The following ST3GAL2 variants were observed in gnomAD, a reference collection of about 807,000 sequenced individuals.
ST3GAL2 encodes ST3 beta-galactoside alpha-2,3-sialyltransferase 2.
ST3GAL2 carries 16 observed loss-of-function variants against 37.5 expected under a neutral mutation model. The observed-to-expected ratio is 0.43, with a 90% CI of 0.29 to 0.65. The LOEUF (loss-of-function observed/expected upper bound fraction) is 0.65, where lower values mean the gene tolerates loss of function less well. ST3GAL2 is among the 30% of genes least tolerant of loss of function. The pLI, the probability that ST3GAL2 is intolerant of heterozygous loss-of-function variation, is 0.17. For synonymous variants in ST3GAL2, 238 were observed against 202.9 expected (o/e 1.17, Z -1.47); for missense variants, 383 against 487.8 (o/e 0.79, Z 2.02).
rs1312563185 is a variant in ST3GAL2, at chr16:70,377,166, G to T, written c.*4523C>A. 1 of 130,980 alleles carries T rather than the reference G, an allele frequency of 7.6e-6. No individual in the cohort carries two copies. The highest frequency in any genetic ancestry group is 2.3e-4 in the East Asian group (1 of 4,258). 8.1% of individuals were successfully genotyped at this position (130,980 alleles called of 1,614,324 possible). On this transcript the variant is annotated 3_prime_UTR_variant, in exon 7 of 7. Transcript: ENST00000342907. The stretch of plus-strand genomic sequence containing the variant: ...CTCTGCACCAGTCTGGGCGACAGGA[G>T]ACCCTGTCTCTTAAAAAAAAAAAAA...
In ST3GAL2 at chr16:70,395,124, G is replaced by A. The variant is rs375735133; in HGVS notation, c.391C>T (p.Leu131=). 1.9e-5 allele frequency: 31 copies of A among 1,613,166 alleles called. No individual in the cohort carries two copies. Among genetic ancestry groups the A allele is most frequent in the Non-Finnish European group, 2.5e-5 (30 of 1,179,628 alleles). Residue 131 remains leucine (L), a synonymous_variant, in exon 3 of 7, where the codon CTG becomes TTG. Coordinates refer to ENST00000342907, the MANE Select transcript of ST3GAL2 (RefSeq NM_006927.4). ...TTCTCGCCAGGCACTATCTGGAACAGCTTCTCCAGCACCTCATTGGTGTTG... is the reference window on the plus strand; with the variant it reads ...TTCTCGCCAGGCACTATCTGGAACAACTTCTCCAGCACCTCATTGGTGTTG... ...SHNTNEVLEK[L]FQIVPGENPY...
At position 70,385,743 on chromosome 16, in the gene ST3GAL2, G is replaced by A. The variant is rs1454578337; in HGVS notation, c.714-2508C>T. 2.7e-4 allele frequency among the ~76,000 whole-genome samples: 29 copies of A among 105,982 alleles called. No individual in the cohort carries two copies. The Admixed American group carries it at 3.8e-3, about 14-fold the overall frequency. The allele number at this position is 105,982 out of a possible 152,430, so 69.5% of individuals were successfully genotyped here. On this transcript the variant is annotated intron_variant, in intron 4 of 6. Transcript: ENST00000342907. ...TTTTGAGGCAGAGCCCTGCTTTGTTGCCCAGGCTGGAGTGCAGTGGCGCGA... is the reference window on the plus strand; with the variant it reads ...TTTTGAGGCAGAGCCCTGCTTTGTTACCCAGGCTGGAGTGCAGTGGCGCGA...
At chr16:70,386,808 G>C (rs1361107810) in intron 4 of ST3GAL2, among the ~76,000 whole-genome samples, 1 of 152,064 alleles carries the variant, frequency 6.6e-6, no homozygotes, top group Non-Finnish European at 1.5e-5. Flanking sequence ...ACCACGCCTA[G>C]CTAATTGTTT....
chr16:70,411,478 A>G (rs555604412), intron 1 of ST3GAL2, among the ~76,000 whole-genome samples: 1 of 152,110 alleles, frequency 6.6e-6, no homozygotes, highest in African/African-American at 2.4e-5. Flanking sequence ...CAGGGTGATG[A>G]TATAATGTCT....
chr16:70,392,603 G>C (rs1457133476), intron 3 of ST3GAL2, among the ~76,000 whole-genome samples: 2 of 152,188 alleles, frequency 1.3e-5, no homozygotes, highest in Non-Finnish European at 2.9e-5. Context: ...AACTGGACTT[G>C]AAGTGGTCCA....
At position 70,377,480 on chromosome 16, in the gene ST3GAL2, A is replaced by G. The variant is rs1249917780; in HGVS notation, c.*4209T>C. The G allele has an allele frequency of 7.8e-5, 9 of 115,130 alleles. No homozygotes were observed. Among genetic ancestry groups the G allele is most frequent in the Admixed American group, 4.0e-4 (5 of 12,494 alleles). The allele number at this position is 115,130 out of a possible 1,614,324, so 7.1% of individuals were successfully genotyped here. On this transcript the variant is annotated 3_prime_UTR_variant, in exon 7 of 7. Coordinates refer to ENST00000342907, the MANE Select transcript of ST3GAL2 (RefSeq NM_006927.4). ...GGGCAATGGAGAGAGACTCCATCTGAAAAAAAAAAAAAAAAAAGAGAAAAG... is the reference window on the plus strand; with the variant it reads ...GGGCAATGGAGAGAGACTCCATCTGGAAAAAAAAAAAAAAAAAGAGAAAAG...
intron 1 of ST3GAL2, among the ~76,000 whole-genome samples, chr16:70,415,978 G>A (rs1347562908): frequency 6.6e-6 from 1 of 150,638 alleles, no homozygotes; most frequent in Non-Finnish European, 1.5e-5. Context: ...GTTTCACCAT[G>A]TTGCCTAGGC....
rs1447975141 is a variant in ST3GAL2 at position 70,414,011 on chromosome 16, T to C, written c.-1003-14478A>G. On this transcript the variant is annotated intron_variant, in intron 1 of 6. Coordinates refer to ENST00000342907, the MANE Select transcript of ST3GAL2 (RefSeq NM_006927.4). Reference sequence around the variant, plus strand: ...TTCTCATCCACAGGGATATTTATCATGTTGAGTGTGGTGGGGGGTAGAAAA... The same window carrying C: ...TTCTCATCCACAGGGATATTTATCACGTTGAGTGTGGTGGGGGGTAGAAAA... Among the ~76,000 whole-genome samples the C allele has an allele frequency of 2.6e-5, 4 of 152,196 alleles. No individual in the cohort carries two copies. The East Asian group carries it at 7.7e-4, about 29-fold the overall frequency.
intron 3 of ST3GAL2, among the ~76,000 whole-genome samples, chr16:70,389,039 A>G (rs1319682928): frequency 7.4e-6 from 1 of 135,114 alleles, no homozygotes; most frequent in South Asian, 2.4e-4. Flanking sequence ...GCACCACCGC[A>G]CTCCAGCCTG....
In ST3GAL2 at chr16:70,399,099, G is replaced by A. The variant is rs1407362396; in HGVS notation, c.-569C>T. 2 of 400,664 alleles carry A rather than the reference G, an allele frequency of 5.0e-6. No individual in the cohort carries two copies. Among genetic ancestry groups the A allele is most frequent in the Non-Finnish European group, 8.8e-6 (2 of 227,612 alleles). The allele number at this position is 400,664 out of a possible 1,614,324, so 24.8% of individuals were successfully genotyped here. ...GGCCCAAAACCTCTGCCAGAGGAGGGGAGCCAGACCCCAACCCTGAGAGGA... is the reference window on the plus strand; with the variant it reads ...GGCCCAAAACCTCTGCCAGAGGAGGAGAGCCAGACCCCAACCCTGAGAGGA... On this transcript the variant is annotated 5_prime_UTR_variant, in exon 2 of 7. Coordinates refer to ENST00000342907, the MANE Select transcript of ST3GAL2 (RefSeq NM_006927.4).
At chr16:70,412,758 AT>A (rs1480745140) in intron 1 of ST3GAL2, among the ~76,000 whole-genome samples, 23 of 151,982 alleles carry the variant, frequency 1.5e-4, no homozygotes, top group Non-Finnish European at 1.5e-5. Context: ...TTTAAATATT[AT>A]TTCTAGGCTG....
intron 1 of ST3GAL2, among the ~76,000 whole-genome samples, chr16:70,407,865 C>T (rs545307511): frequency 1.3e-5 from 2 of 152,306 alleles, no homozygotes; most frequent in African/African-American, 4.8e-5. Flanking sequence ...ACAGGATAAG[C>T]ACCACCTCAG....
At chr16:70,400,685 C>T (rs902541337) in intron 1 of ST3GAL2, 1 of 152,244 alleles carries the variant, frequency 6.6e-6, no homozygotes, top group Non-Finnish European at 1.5e-5. Flanking sequence ...CACAAAAGTA[C>T]AAGAACTTAC....
At chr16:70,410,493 T>TC (rs2047630232) in intron 1 of ST3GAL2, among the ~76,000 whole-genome samples, 2 of 151,974 alleles carry the variant, frequency 1.3e-5, no homozygotes, top group East Asian at 3.9e-4. Flanking sequence ...GACCTCGTGA[T>TC]CTGCCTGCGT....
Position 70,381,585 on chromosome 16 carries a change from C to T in ST3GAL2, c.*104G>A, listed in dbSNP as rs1326843497. On this transcript the variant is annotated 3_prime_UTR_variant, in exon 7 of 7. Transcript: ENST00000342907. Reference sequence around the variant, plus strand: ...CGTGATTGGCGGGGCACAGCAGACGCCCCTGGGCTGCAGCATGATTGGTCG... The same window carrying T: ...CGTGATTGGCGGGGCACAGCAGACGTCCCTGGGCTGCAGCATGATTGGTCG... The T allele has an allele frequency of 7.8e-6, 11 of 1,404,124 alleles. No individual in the cohort carries two copies. The highest frequency in any genetic ancestry group is 1.1e-5 in the Non-Finnish European group (11 of 1,044,014). The allele number at this position is 1,404,124 out of a possible 1,614,324, so 87.0% of individuals were successfully genotyped here.
At chr16:70,410,291 C>T (rs1334567538) in intron 1 of ST3GAL2, among the ~76,000 whole-genome samples, 1 of 96,668 alleles carries the variant, frequency 1.0e-5, no homozygotes, top group African/African-American at 4.0e-5. Context: ...CACCCTGTCA[C>T]CCAGGCTGGA....
intron 1 of ST3GAL2, among the ~76,000 whole-genome samples, chr16:70,402,547 T>A (rs2047563254): frequency 6.6e-6 from 1 of 152,096 alleles, no homozygotes; most frequent in Non-Finnish European, 1.5e-5. Context: ...CAACACAAAA[T>A]TCAGGGAATT....
chr16:70,396,587 T>C (rs2047517770), intron 2 of ST3GAL2, among the ~76,000 whole-genome samples: 1 of 152,056 alleles, frequency 6.6e-6, no homozygotes. Flanking sequence ...TGAGAACCTG[T>C]ATCAAAAAAA....
chr16:70,382,884 T>C lies in ST3GAL2; in HGVS notation c.800A>G (p.Asp267Gly). 1 of 1,614,060 alleles carries C rather than the reference T, an allele frequency of 6.2e-7. No homozygotes were observed. Among genetic ancestry groups the C allele is most frequent in the Non-Finnish European group, 8.5e-7 (1 of 1,179,974 alleles). ...YNPAFFKYIHDRWTEHHGRYP... is the reference protein window; with the variant it reads ...YNPAFFKYIHGRWTEHHGRYP... Reference sequence around the variant, plus strand: ...CCGCCCGTGATGCTCTGTCCACCTGTCGTGGATATACTTGAAGAAGGCTGG... The same window carrying C: ...CCGCCCGTGATGCTCTGTCCACCTGCCGTGGATATACTTGAAGAAGGCTGG... Residue 267 changes from aspartate to glycine, a missense_variant, in exon 6 of 7, where the codon GAC becomes GGC. This residue lies in a region of ST3GAL2 where 160 missense variants were observed against 248.6 expected (regional missense o/e 0.64). Transcript: ENST00000342907.
Sources: allele counts gnomAD v4.1 joint callset (sites outside exome capture counted in the v4.1 genomes callset), GRCh38; gene constraint gnomAD v4.1.1; regional missense constraint gnomAD v4.1.1; transcripts MANE v1.5; gene names NCBI Gene and HGNC (gene_info 2026-07-23, HGNC 2026-07-21).